WDFY3: variants seen among roughly 807,000 people sequenced by gnomAD.
WDFY3 encodes the protein WD repeat and FYVE domain containing 3, also known as WD repeat and FYVE domain-containing protein 3.
WDFY3 carries 66 observed loss-of-function variants against 409.6 expected under a neutral mutation model. That is an observed-to-expected ratio of 0.16 (90% CI 0.13 to 0.20). The LOEUF (loss-of-function observed/expected upper bound fraction) is 0.20, where lower values mean the gene tolerates loss of function less well. Ranked by LOEUF, WDFY3 falls within the 10% of genes least tolerant of loss-of-function variation. WDFY3 has a pLI of 1.00. For missense variants in WDFY3, 3,031 were observed against 4,298.1 expected, an observed-to-expected ratio of 0.71 and a Z score of 8.24; for synonymous variants, 1,521 against 1,537.1, an observed-to-expected ratio of 0.99 and a Z score of 0.25.
In WDFY3 at chr4:84,778,617, A is replaced by T; in HGVS notation, c.4404T>A (p.Leu1468=). ...AMLLKKKRSL[L]NSHILHLTFS... The stretch of plus-strand genomic sequence containing the variant: ...AAGTTAGATGGAGGATGTGGCTGTT[A>T]AGAAGGGAACGTTTCTTCTTAAGCA... Residue 1468 remains leucine (L), a synonymous_variant, in exon 27 of 68, where the codon CTT becomes CTA. Transcript: ENST00000295888. The T allele has an allele frequency of 6.2e-7, 1 of 1,612,678 alleles. No homozygotes were observed. The highest frequency in any genetic ancestry group is 1.7e-5 in the Admixed American group (1 of 59,542).
At position 84,715,360 on chromosome 4, in the gene WDFY3, A is replaced by G. The variant is rs1232845518; in HGVS notation, c.7899T>C (p.Ser2633=). 6.2e-7 allele frequency: 1 copy of G among 1,608,316 alleles called. No homozygotes were observed. The highest frequency in any genetic ancestry group is 2.2e-5 in the East Asian group (1 of 44,782). ...LLQPIAVEVF[S]GDGRNYLLAF... ...CAAGGAGGTAATTCCGTCCATCTCC[A>G]GAGAAAACTTCCACAGCAATAGGCT... Residue 2633 remains serine (S), a synonymous_variant, in exon 50 of 68, where the codon TCT becomes TCC. Transcript: ENST00000295888.
In WDFY3 at chr4:84,821,171, C is replaced by G; in HGVS notation, c.1504G>C (p.Glu502Gln). 6.2e-7 allele frequency: 1 copy of G among 1,613,730 alleles called. No homozygotes were observed. Among genetic ancestry groups the G allele is most frequent in the Non-Finnish European group, 8.5e-7 (1 of 1,179,824 alleles). The change falls in exon 11 of 68, where the codon GAG (glutamate) becomes CAG (glutamine). Residue 502 changes from glutamate to glutamine, a missense_variant. Physicochemically the swap from Glu to Gln is conservative, Grantham distance 29 (BLOSUM62 2). Around this residue, in one of 16 missense-constraint regions of WDFY3, gnomAD observed 1,322 missense variants for 1,697.9 expected, o/e 0.78. Transcript: ENST00000295888. The stretch of plus-strand genomic sequence containing the variant: ...ACCATGACCTCCAAAAGGCCAACCT[C>G]CCTGAACACGTCTTTAAATATGTAG... ...HDYIFKDVFR[E>Q]VGLLEVMVNL...
chr4:84,729,148 A>T (rs192214592), intron 44 of WDFY3, among the ~76,000 whole-genome samples: 252 of 152,258 alleles, frequency 1.7e-3, no homozygotes, highest in African/African-American at 5.8e-3. Context: ...AACTTTGCAA[A>T]TAATAGTAAA....
At chr4:84,740,557 G>T in intron 38 of WDFY3, 141 bp from the exon 39 acceptor site, 1 of 728,996 alleles carries the variant, frequency 1.4e-6, no homozygotes, top group Non-Finnish European at 2.3e-6. Flanking sequence ...AAGATACAAA[G>T]CTCTTACTAT....
At chr4:84,778,434 G>A (rs1745926836) in intron 27 of WDFY3, 69 bp downstream of exon 27, 1 of 1,347,032 alleles carries the variant, frequency 7.4e-7, no homozygotes, top group African/African-American at 1.5e-5. Context: ...AGATAAAATA[G>A]TTTATAATCA....
At chr4:84,905,258 C>T (rs1766888897) in intron 2 of WDFY3, among the ~76,000 whole-genome samples, 1 of 152,228 alleles carries the variant, frequency 6.6e-6, no homozygotes, top group Non-Finnish European at 1.5e-5. Context: ...ATAGCTTGAA[C>T]TCGGGAGGTG....
chr4:84,875,639 A>G (rs1762681402), intron 3 of WDFY3, among the ~76,000 whole-genome samples: 1 of 152,216 alleles, frequency 6.6e-6, no homozygotes, highest in African/African-American at 2.4e-5. Context: ...AAACACAAAC[A>G]CACTGTACAG....
intron 9 of WDFY3, among the ~76,000 whole-genome samples, chr4:84,827,444 T>C (rs1755022129): frequency 6.6e-6 from 1 of 152,172 alleles, no homozygotes; most frequent in African/African-American, 2.4e-5. Flanking sequence ...CTTCCACACA[T>C]TAGTGTAAGC....
chr4:84,927,229 C>T (rs1174051161), intron 2 of WDFY3, among the ~76,000 whole-genome samples: 3 of 152,102 alleles, frequency 2.0e-5, no homozygotes, highest in Non-Finnish European at 4.4e-5. Context: ...TCCATCTAAC[C>T]TAATGAAGTT....
chr4:84,965,433 G>C (rs1775511392), intron 1 of WDFY3, among the ~76,000 whole-genome samples: 1 of 152,206 alleles, frequency 6.6e-6, no homozygotes, highest in Admixed American at 6.5e-5. Context: ...CAATCTGGTT[G>C]TATCACATTG....
At chr4:84,864,449 G>A (rs922372846) in intron 3 of WDFY3, among the ~76,000 whole-genome samples, 48 of 151,016 alleles carry the variant, frequency 3.2e-4, no homozygotes, top group Non-Finnish European at 1.8e-4. Context: ...GATCATTTTC[G>A]GTAGTACGAA....
intron 13 of WDFY3, among the ~76,000 whole-genome samples, chr4:84,812,092 A>ATACTGTT (rs1474732722): frequency 2.6e-5 from 4 of 152,202 alleles, no homozygotes; most frequent in Non-Finnish European, 4.4e-5. Context: ...CTTTTGACAT[A>ATACTGTT]TACTGTTTCA....
At chr4:84,913,908 CT>C (rs1369494959) in intron 2 of WDFY3, among the ~76,000 whole-genome samples, 1 of 152,088 alleles carries the variant, frequency 6.6e-6, no homozygotes, top group Non-Finnish European at 1.5e-5. Flanking sequence ...AGACCAACCC[CT>C]TCTCTTCCTC....
At chr4:84,718,039 C>G (rs1234010282) in intron 48 of WDFY3, among the ~76,000 whole-genome samples, 1 of 103,162 alleles carries the variant, frequency 9.7e-6, no homozygotes, top group South Asian at 3.4e-4. Flanking sequence ...GCCGGGGTGA[C>G]AGAGTGAGAC....
rs1479887248 is a variant in WDFY3 at position 84,786,070 on chromosome 4, A to C, written c.3971T>G (p.Phe1324Cys). ...VSLVPEEKVS[F>C]GLYALSVSSL... is the part of the protein sequence containing the mutation. ...CGACACAGAGAGTGCATAGAGGCCAAATGACACTTTCTCCTCTGGTACTAA... is the reference window on the plus strand; with the variant it reads ...CGACACAGAGAGTGCATAGAGGCCACATGACACTTTCTCCTCTGGTACTAA... Residue 1324 changes from phenylalanine to cysteine, a missense_variant, in exon 24 of 68, where the codon TTT (phenylalanine) becomes TGT (cysteine). Phe to Cys is a radical substitution (Grantham distance 205). Coordinates refer to ENST00000295888, the MANE Select transcript of WDFY3 (RefSeq NM_014991.6). The C allele has an allele frequency of 6.2e-7, 1 of 1,613,804 alleles. No individual in the cohort carries two copies. The highest frequency in any genetic ancestry group is 1.3e-5 in the African/African-American group (1 of 74,920).
chr4:84,763,625 T>C lies in WDFY3; in HGVS notation c.5188+2185A>G, dbSNP rs536965570. On this transcript the variant is annotated intron_variant, in intron 32 of 67. Transcript: ENST00000295888. The stretch of plus-strand genomic sequence containing the variant: ...AATAAAAAAGTAAAAAAAAAAAAGG[T>C]TGCCATTCCGATCAAGGAGAAATAG... Among the ~76,000 whole-genome samples, 5 of 149,060 alleles carry C rather than the reference T, an allele frequency of 3.4e-5. No homozygotes were observed. In the East Asian group the frequency reaches 7.8e-4, roughly 23 times the overall value.
chr4:84,705,457 C>T lies in WDFY3; in HGVS notation c.8272G>A (p.Ala2758Thr), dbSNP rs1731771556. The T allele has an allele frequency of 1.2e-6, 2 of 1,613,938 alleles. No individual in the cohort carries two copies. Among genetic ancestry groups the T allele is most frequent in the Admixed American group, 1.7e-5 (1 of 59,998 alleles). The change falls in exon 54 of 68, where the codon GCA becomes ACA. Residue 2758 changes from alanine to threonine, a missense_variant. Around this residue, in one of 16 missense-constraint regions of WDFY3, gnomAD observed 129 missense variants for 305.3 expected, o/e 0.42. Coordinates refer to ENST00000295888, the MANE Select transcript of WDFY3 (RefSeq NM_014991.6). ...TGAGCTAATCGTTCATCTGTTTGTG[C>T]TCCCATTGGCTTAGCCAGGTTTCTA... ...TFRNLAKPMG[A>T]QTDERLAQYK...
intron 2 of WDFY3, among the ~76,000 whole-genome samples, chr4:84,930,697 C>T (rs1023507320): frequency 6.6e-6 from 1 of 152,132 alleles, no homozygotes; most frequent in African/African-American, 2.4e-5. Flanking sequence ...CCATTTTATT[C>T]ATGATAGTCA....
intron 5 of WDFY3, chr4:84,844,552 T>TA: frequency 7.8e-7 from 1 of 1,277,168 alleles, no homozygotes; most frequent in Non-Finnish European, 1.0e-6. Context: ...AGGGATTCAC[T>TA]AAATTCCACT....
Sources: allele counts gnomAD v4.1 joint callset (sites outside exome capture counted in the v4.1 genomes callset), GRCh38; gene constraint gnomAD v4.1.1; regional missense constraint gnomAD v4.1.1; transcripts MANE v1.5; gene names NCBI Gene and HGNC (gene_info 2026-07-23, HGNC 2026-07-21).